TACC2: variants seen among roughly 807,000 people sequenced by gnomAD.
The protein encoded by TACC2 is transforming acidic coiled-coil containing protein 2.
A neutral mutation model predicts 227.3 loss-of-function variants in TACC2; 137 were observed. The observed-to-expected ratio is 0.60, with a 90% CI of 0.52 to 0.69. The LOEUF is 0.69. Among genes scored for constraint, TACC2 ranks in the 30% least tolerant of loss-of-function variants. TACC2 has a pLI of 0.00. For missense variants in TACC2, 3,470 were observed against 3,694.4 expected, an observed-to-expected ratio of 0.94 and a Z score of 1.57; for synonymous variants, 1,523 against 1,487.5, an observed-to-expected ratio of 1.02 and a Z score of -0.55.
intron 3 of TACC2, among the ~76,000 whole-genome samples, chr10:122,068,611 C>T (rs1054327814): frequency 1.3e-5 from 2 of 151,460 alleles, no homozygotes; most frequent in African/African-American, 2.4e-5. Context: ...CCACTCTGGC[C>T]GGTGGGAACA....
chr10:122,233,577 G>T (rs2095799917), intron 16 of TACC2, among the ~76,000 whole-genome samples: 1 of 152,190 alleles, frequency 6.6e-6, no homozygotes, highest in South Asian at 2.1e-4. Flanking sequence ...TGAGCAGCCT[G>T]GCAGCATGCT....
chr10:122,095,447 A>G (rs1400927207), intron 5 of TACC2, among the ~76,000 whole-genome samples: 7 of 152,208 alleles, frequency 4.6e-5, no homozygotes, highest in African/African-American at 1.4e-4. Context: ...AGTGCTCTGT[A>G]TAAGTTCCTT....
chr10:122,238,214 G>A (rs1378491871), intron 18 of TACC2, among the ~76,000 whole-genome samples, 177 bp downstream of exon 18: 85 of 152,104 alleles, frequency 5.6e-4, no homozygotes, highest in Non-Finnish European at 7.3e-5. Flanking sequence ...TACTAAAATA[G>A]CATGCACATG....
intron 2 of TACC2, among the ~76,000 whole-genome samples, chr10:122,024,342 G>A (rs1193312188): frequency 1.3e-5 from 2 of 152,096 alleles, no homozygotes; most frequent in Non-Finnish European, 2.9e-5. Context: ...TTCCAGCCAG[G>A]TCAACAGAGC....
At chr10:122,089,290 C>T (rs1286441751) in intron 5 of TACC2, among the ~76,000 whole-genome samples, 1 of 152,134 alleles carries the variant, frequency 6.6e-6, no homozygotes, top group Non-Finnish European at 1.5e-5. Context: ...CCCCAGCCCC[C>T]ACACCCGCCG....
chr10:122,177,709 A>G (rs946828023), intron 7 of TACC2, among the ~76,000 whole-genome samples: 1 of 152,198 alleles, frequency 6.6e-6, no homozygotes, highest in African/African-American at 2.4e-5. Flanking sequence ...TCGCAAACAA[A>G]CAGGATTATT....
At chr10:122,100,615 G>A (rs947086150) in intron 5 of TACC2, among the ~76,000 whole-genome samples, 12 of 151,962 alleles carry the variant, frequency 7.9e-5, no homozygotes, top group Middle Eastern at 3.2e-3. Context: ...TAGTACAGAC[G>A]GGGTTTCACC....
chr10:122,009,523 C>G (rs999400284), intron 1 of TACC2, among the ~76,000 whole-genome samples: 11 of 151,932 alleles, frequency 7.2e-5, no homozygotes, highest in Admixed American at 7.2e-4. Flanking sequence ...CCACAAAAAA[C>G]AAATCTGATT....
intron 5 of TACC2, among the ~76,000 whole-genome samples, chr10:122,114,338 C>G (rs553509628): frequency 6.6e-6 from 1 of 152,186 alleles, no homozygotes; most frequent in Non-Finnish European, 1.5e-5. Context: ...GGGACTGTGA[C>G]GTGAGGCAGT....
chr10:122,171,383 G>A (rs1555099121), intron 7 of TACC2, among the ~76,000 whole-genome samples: 1 of 152,200 alleles, frequency 6.6e-6, no homozygotes, highest in Non-Finnish European at 1.5e-5. Context: ...CTCTGCTCAG[G>A]GTTTCCCGGA....
At chr10:122,181,671 G>A (rs571281800) in intron 7 of TACC2, among the ~76,000 whole-genome samples, 2 of 152,196 alleles carry the variant, frequency 1.3e-5, no homozygotes, top group Admixed American at 6.5e-5. Context: ...CAAGATGTCA[G>A]AATCGTGTAA....
chr10:122,047,130 A>C (rs1280731478), intron 2 of TACC2, among the ~76,000 whole-genome samples: 1 of 151,700 alleles, frequency 6.6e-6, no homozygotes, highest in Non-Finnish European at 1.5e-5. Flanking sequence ...CTCTACTAAA[A>C]ATACAAAAAT....
Position 122,083,338 on chromosome 10 carries a change from G to A in TACC2, c.838G>A (p.Asp280Asn). Residue 280 changes from aspartate (D) to asparagine (N), a missense_variant, in exon 4 of 23, where the codon GAT becomes AAT. This residue lies in a region of TACC2 where 405 missense variants were observed against 389.6 expected (regional missense o/e 1.04). Transcript: ENST00000369005. ...PLKPMAPIPQDPAPRASDRER... is the reference protein window; with the variant it reads ...PLKPMAPIPQNPAPRASDRER... ...AAAACCCATGGCCCCGATCCCACAA[G>A]ATCCAGCCCCAAGAGCCTCAGACAG... The A allele has an allele frequency of 6.2e-7, 1 of 1,614,020 alleles. No homozygotes were observed. Among genetic ancestry groups the A allele is most frequent in the Non-Finnish European group, 8.5e-7 (1 of 1,180,046 alleles).
intron 5 of TACC2, among the ~76,000 whole-genome samples, chr10:122,115,942 G>A (rs1431458928): frequency 6.6e-6 from 1 of 152,138 alleles, no homozygotes; most frequent in East Asian, 1.9e-4. Flanking sequence ...TGGCTGCAGG[G>A]CTGGGTGCCC....
chr10:122,099,386 G>A (rs979702811), intron 5 of TACC2, among the ~76,000 whole-genome samples: 2 of 152,168 alleles, frequency 1.3e-5, no homozygotes, highest in African/African-American at 4.8e-5. Flanking sequence ...TGCTCCTCTG[G>A]CACCTGAGGC....
In TACC2 at chr10:122,086,685, C is replaced by A; in HGVS notation, c.4185C>A (p.Ser1395Arg). Residue 1395 changes from serine to arginine, a missense_variant, in exon 4 of 23, where the codon AGC (serine) becomes AGA (arginine). Physicochemically the swap from Ser to Arg is moderately radical, Grantham distance 110 (BLOSUM62 -1). Coordinates refer to ENST00000369005, the MANE Select transcript of TACC2 (RefSeq NM_206862.4). ...GCACATCAGGTGGTGTGGACACAAG[C>A]TCTGAGCAAATCGCCACCCTCACTG... The part of the protein sequence containing the change: ...KQGTSGGVDT[S>R]SEQIATLTGF... The A allele has an allele frequency of 6.2e-7, 1 of 1,613,354 alleles. No homozygotes were observed. The highest frequency in any genetic ancestry group is 8.5e-7 in the Non-Finnish European group (1 of 1,179,640).
chr10:122,110,982 G>T (rs2083516486), intron 5 of TACC2, among the ~76,000 whole-genome samples: 1 of 152,144 alleles, frequency 6.6e-6, no homozygotes, highest in Non-Finnish European at 1.5e-5. Flanking sequence ...CACATTCCCT[G>T]GCTCGTGGTC....
In TACC2 at chr10:122,211,238, G is replaced by A. The variant is rs11200483; in HGVS notation, c.6813G>A (p.Glu2271=). 4.3e-6 allele frequency: 7 copies of A among 1,613,980 alleles called. No individual in the cohort carries two copies. In the African/African-American group the frequency reaches 5.3e-5, roughly 12 times the overall value. ...LSVRLEFDYS[E]DKSSWDNQQE... ...TAAGGCTGGAGTTTGACTATTCTGAGGACAAGAGTAGTTGGGACAACCAGC... is the reference window on the plus strand; with the variant it reads ...TAAGGCTGGAGTTTGACTATTCTGAAGACAAGAGTAGTTGGGACAACCAGC... The change falls in exon 9 of 23, where the codon GAG becomes GAA. Residue 2271 remains glutamate (E), a synonymous_variant. Coordinates refer to ENST00000369005, the MANE Select transcript of TACC2 (RefSeq NM_206862.4).
intron 7 of TACC2, among the ~76,000 whole-genome samples, chr10:122,144,090 C>A (rs115233012): frequency 7.1e-4 from 108 of 152,224 alleles, no homozygotes; most frequent in African/African-American, 2.4e-3. Flanking sequence ...TGAAATAATG[C>A]AGGGCAGGCT....
Sources: allele counts gnomAD v4.1 joint callset (sites outside exome capture counted in the v4.1 genomes callset), GRCh38; gene constraint gnomAD v4.1.1; regional missense constraint gnomAD v4.1.1; transcripts MANE v1.5; gene names NCBI Gene and HGNC (gene_info 2026-07-23, HGNC 2026-07-21).